ARHGAP44: variants seen among roughly 807,000 people sequenced by gnomAD.
The protein encoded by ARHGAP44 is rho GTPase-activating protein 44.
A neutral mutation model predicts 106.8 loss-of-function variants in ARHGAP44; 43 were observed. The observed-to-expected ratio is 0.40, with a 90% CI of 0.32 to 0.52. The LOEUF (loss-of-function observed/expected upper bound fraction) is 0.52. ARHGAP44 is among the 20% of genes least tolerant of loss of function. ARHGAP44 has a pLI of 0.48. For synonymous variants in ARHGAP44, 439 were observed against 410.3 expected (o/e 1.07, Z -0.85); for missense variants, 866 against 1,050.5 (o/e 0.82, Z 2.43).
chr17:12,910,297 A>G (rs1023561620), intron 4 of ARHGAP44, among the ~76,000 whole-genome samples: 1 of 144,380 alleles, frequency 6.9e-6, no homozygotes, highest in East Asian at 2.0e-4. Context: ...TAAACATCTT[A>G]GGTTCTTTGG....
At chr17:12,808,303 A>G (rs189802442) in intron 1 of ARHGAP44, among the ~76,000 whole-genome samples, 3 of 152,336 alleles carry the variant, frequency 2.0e-5, no homozygotes, top group African/African-American at 7.2e-5. Context: ...GATCCACTAG[A>G]CAGTGCCCCA....
At chr17:12,851,305 T>C (rs1567648298) in intron 1 of ARHGAP44, among the ~76,000 whole-genome samples, 1 of 152,294 alleles carries the variant, frequency 6.6e-6, no homozygotes, top group East Asian at 1.9e-4. Context: ...TGTACAGCTG[T>C]AAACCAAATA....
chr17:12,891,394 G>T (rs150871468), intron 1 of ARHGAP44, among the ~76,000 whole-genome samples: 1 of 152,200 alleles, frequency 6.6e-6, no homozygotes, highest in Non-Finnish European at 1.5e-5. Context: ...AGGAGCTAGC[G>T]TCTGGCAAGG....
chr17:12,927,710 TC>T (rs2038288048), intron 6 of ARHGAP44, among the ~76,000 whole-genome samples: 1 of 152,142 alleles, frequency 6.6e-6, no homozygotes, highest in African/African-American at 2.4e-5. Flanking sequence ...AGCTACCCTC[TC>T]TTAAACAAGG....
At chr17:12,913,968 C>CAAAAGA (rs760050123) in intron 4 of ARHGAP44, among the ~76,000 whole-genome samples, 1 of 63,444 alleles carries the variant, frequency 1.6e-5, no homozygotes, top group Non-Finnish European at 2.9e-5. Context: ...GATTTTGTCT[C>CAAAAGA]AAAAAAAAAA....
At chr17:12,917,625 A>G (rs912342694) in intron 5 of ARHGAP44, among the ~76,000 whole-genome samples, 1 of 152,054 alleles carries the variant, frequency 6.6e-6, no homozygotes, top group African/African-American at 2.4e-5. Context: ...CCTCTCAGCT[A>G]CACCCGGAAA....
intron 1 of ARHGAP44, among the ~76,000 whole-genome samples, chr17:12,879,336 G>A (rs929889054): frequency 6.6e-6 from 1 of 152,136 alleles, no homozygotes; most frequent in Non-Finnish European, 1.5e-5. Context: ...GTATTCCATG[G>A]TGTATATCAC....
intron 1 of ARHGAP44, among the ~76,000 whole-genome samples, chr17:12,811,494 A>G (rs1349436063): frequency 1.3e-5 from 2 of 152,116 alleles, no homozygotes; most frequent in Non-Finnish European, 2.9e-5. Context: ...GTGGAGGTGG[A>G]AGAGGAGGCA....
intron 1 of ARHGAP44, among the ~76,000 whole-genome samples, chr17:12,810,485 G>C (rs1455416788): frequency 6.6e-6 from 1 of 152,194 alleles, no homozygotes; most frequent in Non-Finnish European, 1.5e-5. Flanking sequence ...AAAGCTTGAG[G>C]ATGAGGGCTG....
At chr17:12,915,628 A>G (rs1371788900) in intron 4 of ARHGAP44, among the ~76,000 whole-genome samples, 1 of 152,184 alleles carries the variant, frequency 6.6e-6, no homozygotes, top group Non-Finnish European at 1.5e-5. Flanking sequence ...GCATGTGTTT[A>G]TAGGCATGTG....
chr17:12,919,409 G>A (rs11657579), intron 5 of ARHGAP44, among the ~76,000 whole-genome samples: 92,066 of 142,952 alleles, frequency 0.64, 29,962 homozygotes, highest in East Asian at 0.89. Context: ...TTTTTGAGAC[G>A]GAGTCTCGCT....
At chr17:12,961,522 C>T (rs1389282118) in intron 16 of ARHGAP44, among the ~76,000 whole-genome samples, 1 of 152,138 alleles carries the variant, frequency 6.6e-6, no homozygotes, top group East Asian at 1.9e-4. Context: ...ATCACCTGAG[C>T]TTGGGAGTTC....
chr17:12,810,732 C>T (rs1329035656), intron 1 of ARHGAP44, among the ~76,000 whole-genome samples: 1 of 152,144 alleles, frequency 6.6e-6, no homozygotes. Context: ...CCCTGCTCTC[C>T]ACCCCAGACC....
intron 1 of ARHGAP44, among the ~76,000 whole-genome samples, chr17:12,894,308 G>GGAGA (rs57153916): frequency 0.016 from 2,340 of 147,890 alleles, 33 homozygotes; most frequent in East Asian, 0.04. Flanking sequence ...AAAGAGAGGG[G>GGAGA]GAGAGAGAGA....
At chr17:12,839,639 A>G (rs959414273) in intron 1 of ARHGAP44, among the ~76,000 whole-genome samples, 2 of 152,150 alleles carry the variant, frequency 1.3e-5, no homozygotes, top group African/African-American at 4.8e-5. Flanking sequence ...GAAATCTGCA[A>G]AGATTTAGTA....
intron 3 of ARHGAP44, among the ~76,000 whole-genome samples, chr17:12,907,535 T>G (rs1170007656): frequency 6.6e-6 from 1 of 152,204 alleles, no homozygotes; most frequent in African/African-American, 2.4e-5. Flanking sequence ...TCTGTGAATT[T>G]GCTTATTCTG....
chr17:12,883,537 T>C (rs1331800020), intron 1 of ARHGAP44, among the ~76,000 whole-genome samples: 1 of 150,414 alleles, frequency 6.6e-6, no homozygotes, highest in Non-Finnish European at 1.5e-5. Context: ...ACCGAACAAA[T>C]TTGATATACA....
chr17:12,831,470 G>A (rs1194041267), intron 1 of ARHGAP44, among the ~76,000 whole-genome samples: 1 of 152,224 alleles, frequency 6.6e-6, no homozygotes, highest in East Asian at 1.9e-4. Context: ...GAGGTTACTG[G>A]TGCTTTAAAG....
intron 1 of ARHGAP44, among the ~76,000 whole-genome samples, chr17:12,827,012 T>C (rs2034940136): frequency 6.6e-6 from 1 of 152,230 alleles, no homozygotes. Context: ...CCACCAAAGC[T>C]TAAGTTTGAT....
Sources: allele counts gnomAD v4.1 joint callset (sites outside exome capture counted in the v4.1 genomes callset), GRCh38; gene constraint gnomAD v4.1.1; transcripts MANE v1.5; gene names NCBI Gene and HGNC (gene_info 2026-07-23, HGNC 2026-07-21).